The following SCFD2 variants were observed in gnomAD, a reference collection of about 807,000 sequenced individuals.
SCFD2 encodes the protein sec1 family domain-containing protein 2.
Under a neutral mutation model 58.9 loss-of-function variants are expected in SCFD2, and 54 were observed. The observed-to-expected ratio is 0.92, with a 90% confidence interval of 0.74 to 1.15. The LOEUF is 1.15. SCFD2 is among the 50% of genes most tolerant of loss of function. The pLI, the probability that SCFD2 is intolerant of heterozygous loss-of-function variation, is 0.00. For missense variants in SCFD2, 805 were observed against 836.6 expected (o/e 0.96, Z 0.47); for synonymous variants, 321 against 335.9 (o/e 0.96, Z 0.49).
At chr4:53,248,357 C>A (rs1219989789) in intron 4 of SCFD2, among the ~76,000 whole-genome samples, 1 of 152,218 alleles carries the variant, frequency 6.6e-6, no homozygotes, top group Non-Finnish European at 1.5e-5. Flanking sequence ...GGGGCGCCCG[C>A]CATTGCTCAG....
chr4:53,042,284 C>T (rs1357568481), intron 5 of SCFD2, among the ~76,000 whole-genome samples: 2 of 152,124 alleles, frequency 1.3e-5, no homozygotes, highest in East Asian at 1.9e-4. Context: ...CTATTATAGA[C>T]ATTTATTTCT....
chr4:53,074,065 A>C (rs1723901389), intron 5 of SCFD2, among the ~76,000 whole-genome samples: 1 of 152,160 alleles, frequency 6.6e-6, no homozygotes, highest in Non-Finnish European at 1.5e-5. Flanking sequence ...CCACAGTAGA[A>C]CTTCTTTCAA....
At chr4:52,975,631 C>T (rs1721237895) in intron 5 of SCFD2, among the ~76,000 whole-genome samples, 1 of 152,064 alleles carries the variant, frequency 6.6e-6, no homozygotes, top group Non-Finnish European at 1.5e-5. Context: ...CTCAGGGATC[C>T]AGAAGTAGAA....
chr4:53,332,191 C>T (rs1407013061), intron 2 of SCFD2, among the ~76,000 whole-genome samples: 4 of 150,516 alleles, frequency 2.7e-5, no homozygotes, highest in African/African-American at 9.8e-5. Flanking sequence ...GGTACCATTC[C>T]TTCTGAAACT....
chr4:53,161,391 T>C (rs1271163427), intron 4 of SCFD2, among the ~76,000 whole-genome samples: 1 of 152,174 alleles, frequency 6.6e-6, no homozygotes. Context: ...TTAGCATTTA[T>C]CCAAAGTAAG....
At chr4:53,237,788 A>C (rs1430224611) in intron 4 of SCFD2, among the ~76,000 whole-genome samples, 532 of 21,282 alleles carry the variant, frequency 0.025, no homozygotes, top group Admixed American at 0.034. Context: ...CCCCACCTCC[A>C]TCCCGGACGG....
chr4:52,952,979 A>C (rs1297482299), intron 5 of SCFD2, among the ~76,000 whole-genome samples: 1 of 152,222 alleles, frequency 6.6e-6, no homozygotes, highest in Non-Finnish European at 1.5e-5. Context: ...ATAGCAGAAA[A>C]GTTTATAACT....
intron 7 of SCFD2, among the ~76,000 whole-genome samples, chr4:52,894,814 C>G (rs1718961783): frequency 6.6e-6 from 1 of 152,228 alleles, no homozygotes; most frequent in Non-Finnish European, 1.5e-5. Context: ...TATACCTGCT[C>G]TTCTCCCCAG....
chr4:53,210,614 ATAT>A (rs1341788039), intron 4 of SCFD2, among the ~76,000 whole-genome samples: 1 of 151,980 alleles, frequency 6.6e-6, no homozygotes, highest in East Asian at 1.9e-4. Flanking sequence ...TCTGAAAAAC[ATAT>A]TATTTATGTT....
In SCFD2 at chr4:53,335,212, A is replaced by C. The variant is rs1233993472; in HGVS notation, c.1007+17386T>G. ...TCCGTCTCAAAAAAAAAAAAAAAAA[A>C]ACAACAAAAAAAAAAACAACAACAA... On this transcript the variant is annotated intron_variant, in intron 2 of 8. Transcript: ENST00000401642. 3.5e-5 allele frequency among the ~76,000 whole-genome samples: 3 copies of C among 84,864 alleles called. No individual in the cohort carries two copies. In the South Asian group the frequency reaches 1.5e-3, roughly 42 times the overall value. 55.7% of individuals were successfully genotyped at this position (84,864 alleles called of 152,430 possible).
At chr4:53,255,965 G>C (rs1418155052) in intron 4 of SCFD2, among the ~76,000 whole-genome samples, 1 of 149,442 alleles carries the variant, frequency 6.7e-6, no homozygotes, top group Admixed American at 6.6e-5. Context: ...GGCCGGGTGG[G>C]GGGCTGACCC....
intron 5 of SCFD2, among the ~76,000 whole-genome samples, chr4:53,039,283 C>A (rs1193309396): frequency 6.6e-6 from 1 of 152,050 alleles, no homozygotes; most frequent in South Asian, 2.1e-4. Context: ...TTTTTTCTTT[C>A]TCATCCTTTG....
intron 4 of SCFD2, among the ~76,000 whole-genome samples, chr4:53,155,244 T>A (rs1399487618): frequency 6.6e-6 from 1 of 152,188 alleles, no homozygotes; most frequent in Non-Finnish European, 1.5e-5. Context: ...AAGCTGAAAT[T>A]TAATTGCTAT....
chr4:52,899,164 T>G (rs1484168155), intron 7 of SCFD2, among the ~76,000 whole-genome samples: 1 of 152,228 alleles, frequency 6.6e-6, no homozygotes, highest in Non-Finnish European at 1.5e-5. Context: ...AGGTTAGTAT[T>G]GTAATGTGTG....
chr4:53,149,243 G>A lies in SCFD2; in HGVS notation c.1312-3661C>T, dbSNP rs1462692279. ...TCCTCAGAGAAGTGATTCTAGGGAT[G>A]GGGAAAGGAAAATTCAAGATGAGTC... On this transcript the variant is annotated intron_variant, in intron 4 of 8. Coordinates refer to ENST00000401642, the MANE Select transcript of SCFD2 (RefSeq NM_152540.4). 3.9e-5 allele frequency among the ~76,000 whole-genome samples: 6 copies of A among 152,280 alleles called. No individual in the cohort carries two copies. The East Asian group carries it at 1.2e-3, about 29-fold the overall frequency.
intron 5 of SCFD2, among the ~76,000 whole-genome samples, chr4:53,081,936 T>C (rs916180361): frequency 1.3e-5 from 2 of 152,214 alleles, no homozygotes; most frequent in Non-Finnish European, 2.9e-5. Flanking sequence ...GGACATTTCA[T>C]ATAAATGGAA....
At chr4:53,155,188 C>T (rs1348550053) in intron 4 of SCFD2, among the ~76,000 whole-genome samples, 1 of 152,142 alleles carries the variant, frequency 6.6e-6, no homozygotes, top group Non-Finnish European at 1.5e-5. Context: ...ATCTGGTACA[C>T]GGTGGTAGGA....
chr4:52,884,107 G>A (rs962054951), intron 8 of SCFD2, among the ~76,000 whole-genome samples: 1 of 152,224 alleles, frequency 6.6e-6, no homozygotes, highest in African/African-American at 2.4e-5. Flanking sequence ...ATGTGCTCCA[G>A]CCTGGAAAGC....
At chr4:53,244,669 A>T (rs563130663) in intron 4 of SCFD2, among the ~76,000 whole-genome samples, 6 of 152,116 alleles carry the variant, frequency 3.9e-5, no homozygotes, top group Non-Finnish European at 8.8e-5. Context: ...ACAACCTAAC[A>T]TCACAACTAA....
Sources: gnomAD v4.1 joint callset for allele counts (sites outside exome capture counted in the v4.1 genomes callset) on GRCh38, gnomAD v4.1.1 for gene constraint, MANE v1.5 for transcripts, NCBI Gene and HGNC (gene_info 2026-07-23, HGNC 2026-07-21) for gene names.